BRF1: variants seen among roughly 807,000 people sequenced by gnomAD.
The protein encoded by BRF1 is transcription factor IIIB 90 kDa subunit.
BRF1 carries 59 observed loss-of-function variants against 81.7 expected under a neutral mutation model. The observed-to-expected ratio is 0.72, with a 90% CI of 0.59 to 0.90. The LOEUF (loss-of-function observed/expected upper bound fraction) is 0.90, where lower values mean the gene tolerates loss of function less well. Ranked by LOEUF, BRF1 falls within the 40% of genes least tolerant of loss-of-function variation. The pLI, the probability that BRF1 is intolerant of heterozygous loss-of-function variation, is 0.00. For synonymous variants in BRF1, 491 were observed against 395.6 expected, an observed-to-expected ratio of 1.24 and a Z score of -2.86; for missense variants, 1,050 against 936.3, an observed-to-expected ratio of 1.12 and a Z score of -1.58.
At chr14:105,256,256 G>A (rs1342881759) in intron 4 of BRF1, 4 of 1,542,970 alleles carry the variant, frequency 2.6e-6, no homozygotes, top group Non-Finnish European at 3.5e-6. Flanking sequence ...GTTCACCCAG[G>A]CCTAGCTAAC....
At chr14:105,218,842 A>G (rs771872279) in intron 14 of BRF1, among the ~76,000 whole-genome samples, 156 bp downstream of exon 14, 79 of 152,318 alleles carry the variant, frequency 5.2e-4, no homozygotes, top group Middle Eastern at 3.4e-3. Context: ...CTAGTGGTTA[A>G]GGACGTGGGT....
chr14:105,289,035 CAAA>C (rs751051126), intron 1 of BRF1, among the ~76,000 whole-genome samples: 10 of 96,460 alleles, frequency 1.0e-4, no homozygotes, highest in African/African-American at 1.2e-4. Flanking sequence ...GACCCTGTCT[CAAA>C]AAAAAAAAAA....
At position 105,210,689 on chromosome 14, in the gene BRF1, G is replaced by A; in HGVS notation, c.1997-101C>T. On this transcript the variant is annotated intron_variant, in intron 17 of 17. Coordinates refer to ENST00000547530, the MANE Select transcript of BRF1 (RefSeq NM_001519.4). The surrounding 1 kb of genome is among the most constrained non-coding windows in gnomAD (Gnocchi z 4.7). ...CCTGGTGCCCCCCTAGAAGACTCAG[G>A]CTCCAGCCCCAGCCCCAGCCCCCCG... 7.3e-7 allele frequency: 1 copy of A among 1,374,444 alleles called. No homozygotes were observed. Among genetic ancestry groups the A allele is most frequent in the East Asian group, 2.5e-5 (1 of 40,392 alleles). The allele number at this position is 1,374,444 out of a possible 1,614,324, so 85.1% of individuals were successfully genotyped here.
chr14:105,228,396 T>C (rs2054163993), intron 7 of BRF1: 1 of 157,540 alleles, frequency 6.3e-6, no homozygotes, highest in Non-Finnish European at 1.4e-5. Flanking sequence ...ACTAAAAAAT[T>C]AGCCAGGCGT....
At chr14:105,211,377 C>A in intron 16 of BRF1, 84 bp from the exon 17 acceptor site, 1 of 1,304,324 alleles carries the variant, frequency 7.7e-7, no homozygotes, top group Non-Finnish European at 1.0e-6. Context: ...CAGGGCTGGC[C>A]CAGGATGCTC....
chr14:105,295,715 T>G (rs983674717), intron 1 of BRF1, among the ~76,000 whole-genome samples: 1 of 151,132 alleles, frequency 6.6e-6, no homozygotes, highest in Non-Finnish European at 1.5e-5. Context: ...ACCCAGAAGT[T>G]CCAGGCTGCA....
chr14:105,291,286 TC>T (rs1595478251), intron 1 of BRF1, among the ~76,000 whole-genome samples: 1 of 152,174 alleles, frequency 6.6e-6, no homozygotes, highest in East Asian at 1.9e-4. Context: ...CCAGGGGCCC[TC>T]CATGTCCTGA....
In BRF1 at chr14:105,272,741, C is replaced by G. The variant is rs2056711749; in HGVS notation, c.419G>C (p.Cys140Ser). ...HVIAACLYLV[C>S]RTEGTPHMLL... ...GATACGCGGCGTGCCCTCCGTACGG[C>G]AGACCAGGTAGAGGCAGGCAGCAAT... Residue 140 changes from cysteine (C) to serine (S), a missense_variant, in exon 3 of 18, where the codon TGC (cysteine) becomes TCC (serine). Coordinates refer to ENST00000547530, the MANE Select transcript of BRF1 (RefSeq NM_001519.4). The G allele has an allele frequency of 6.2e-7, 1 of 1,612,738 alleles. No individual in the cohort carries two copies. The highest frequency in any genetic ancestry group is 8.5e-7 in the Non-Finnish European group (1 of 1,179,180).
chr14:105,219,929 G>T, intron 12 of BRF1, 140 bp downstream of exon 12: 1 of 884,242 alleles, frequency 1.1e-6, no homozygotes. Context: ...ACAGTGGCCA[G>T]AAGGCCAGGA....
chr14:105,297,134 A>G (rs1816661363), intron 1 of BRF1, among the ~76,000 whole-genome samples: 1 of 152,002 alleles, frequency 6.6e-6, no homozygotes, highest in African/African-American at 2.4e-5. Context: ...CTCCAGCCTG[A>G]GTGACAGAGC....
chr14:105,290,656 C>T (rs587747445), intron 1 of BRF1, among the ~76,000 whole-genome samples: 22 of 152,248 alleles, frequency 1.4e-4, no homozygotes, highest in Admixed American at 7.2e-4. Flanking sequence ...CACCACAGCA[C>T]ACTGCAAAGC....
chr14:105,216,842 C>T (rs1891407468), intron 15 of BRF1, among the ~76,000 whole-genome samples: 1 of 152,208 alleles, frequency 6.6e-6, no homozygotes, highest in Non-Finnish European at 1.5e-5. Context: ...AAGGTCGGAA[C>T]CACCAAAGGG....
chr14:105,301,549 G>C (rs1434745270), upstream of BRF1, among the ~76,000 whole-genome samples: 1 of 152,184 alleles, frequency 6.6e-6, no homozygotes, highest in Non-Finnish European at 1.5e-5. Context: ...CCTGGCCGCA[G>C]AGGTGGAGAC....
At chr14:105,305,072 G>A (rs1233926436), upstream of BRF1, among the ~76,000 whole-genome samples, 1 of 152,212 alleles carries the variant, frequency 6.6e-6, no homozygotes, top group Admixed American at 6.5e-5. Flanking sequence ...GAGGTCATGA[G>A]GGCTGCTTCC....
Position 105,269,816 on chromosome 14 carries a change from G to A in BRF1, c.439+2905C>T, listed in dbSNP as rs1182765263. On this transcript the variant is annotated intron_variant, in intron 3 of 17. Coordinates refer to ENST00000547530, the MANE Select transcript of BRF1 (RefSeq NM_001519.4). This position sits in a 1 kb window ranked among gnomAD's most constrained non-coding sequence, Gnocchi z 5.0. ...CGTGGTTCCACCCCACCTTGCTGAC[G>A]CTGGGGTCCCAGTGCCGGCCTGCAC... Among the ~76,000 whole-genome samples the A allele has an allele frequency of 2.0e-5, 3 of 152,184 alleles. No individual in the cohort carries two copies. The highest frequency in any genetic ancestry group is 2.9e-5 in the Non-Finnish European group (2 of 68,022).
At chr14:105,295,482 C>T (rs2057697264) in intron 1 of BRF1, among the ~76,000 whole-genome samples, 1 of 151,766 alleles carries the variant, frequency 6.6e-6, no homozygotes, top group African/African-American at 2.4e-5. Flanking sequence ...GTAGGGCGCA[C>T]CTGTAGTACC....
In BRF1 at chr14:105,298,430, C is replaced by T. The variant is rs370386255; in HGVS notation, c.184+2016G>A. Among the ~76,000 whole-genome samples, 817 of 152,328 alleles carry T rather than the reference C, an allele frequency of 5.4e-3. 8 individuals carry two copies. The highest frequency in any genetic ancestry group is 0.016 in the African/African-American group (685 of 41,560). On this transcript the variant is annotated intron_variant, in intron 1 of 17. Coordinates refer to ENST00000547530, the MANE Select transcript of BRF1 (RefSeq NM_001519.4). Reference sequence around the variant, plus strand: ...AGGCCCAGAGACAGACCTGCACGGACGGGGCCCAGTGAGCACAGCCGAGGG... The same window carrying T: ...AGGCCCAGAGACAGACCTGCACGGATGGGGCCCAGTGAGCACAGCCGAGGG...
upstream of BRF1, among the ~76,000 whole-genome samples, chr14:105,302,412 A>G (rs2058067297): frequency 6.6e-6 from 1 of 151,628 alleles, no homozygotes. Context: ...CATGTTGGTC[A>G]GGCCAGTCTT....
Position 105,300,731 on chromosome 14 carries a change from C to T in BRF1, c.-102G>A. On this transcript the variant is annotated 5_prime_UTR_variant, in exon 1 of 18. Transcript: ENST00000547530. ...GCCCGCCCAGGCCCAGCCGCCCAGG[C>T]CTCGCCGCTCTCGCGAGGCCCCGCT... is the stretch of plus-strand genomic sequence containing the variant. 1.1e-6 allele frequency: 1 copy of T among 949,936 alleles called. No individual in the cohort carries two copies. Among genetic ancestry groups the T allele is most frequent in the Non-Finnish European group, 1.3e-6 (1 of 740,936 alleles). The allele number at this position is 949,936 out of a possible 1,614,324, so 58.8% of individuals were successfully genotyped here.
Sources: gnomAD v4.1 joint callset for allele counts (sites outside exome capture counted in the v4.1 genomes callset) on GRCh38, gnomAD v4.1.1 for gene constraint, Gnocchi (gnomAD v3.1) non-coding constraint, MANE v1.5 for transcripts, NCBI Gene and HGNC (gene_info 2026-07-23, HGNC 2026-07-21) for gene names.